NRG2: variants seen among roughly 807,000 people sequenced by gnomAD.
The protein encoded by NRG2 is neuregulin 2, also known as pro-neuregulin-2, membrane-bound isoform.
Under a neutral mutation model 73.9 loss-of-function variants are expected in NRG2, and 27 were observed. That is an observed-to-expected ratio of 0.37 (90% confidence interval 0.27 to 0.50). The LOEUF (loss-of-function observed/expected upper bound fraction) is 0.50, where lower values mean the gene tolerates loss of function less well. NRG2 is among the 20% of genes least tolerant of loss of function. The pLI is 0.96. For missense variants in NRG2, 1,126 were observed against 1,210.1 expected, an observed-to-expected ratio of 0.93 and a Z score of 1.03; for synonymous variants, 532 against 541.0, an observed-to-expected ratio of 0.98 and a Z score of 0.23.
chr5:140,001,302 C>T (rs1419837868), intron 1 of NRG2, among the ~76,000 whole-genome samples: 4 of 152,114 alleles, frequency 2.6e-5, no homozygotes, highest in African/African-American at 7.2e-5. Flanking sequence ...CATACTTAAG[C>T]GTATTTAATA....
At chr5:139,960,499 C>T (rs966848654) in intron 1 of NRG2, among the ~76,000 whole-genome samples, 2 of 152,014 alleles carry the variant, frequency 1.3e-5, no homozygotes, top group African/African-American at 2.4e-5. Flanking sequence ...TGGGCAACAG[C>T]GAGACTCCAT....
intron 1 of NRG2, among the ~76,000 whole-genome samples, chr5:139,921,178 G>C (rs1293854111): frequency 6.6e-6 from 1 of 152,192 alleles, no homozygotes; most frequent in Non-Finnish European, 1.5e-5. Flanking sequence ...TTCCCAACTT[G>C]ATCTATCGAT....
chr5:139,887,281 CCTT>C lies in NRG2; in HGVS notation c.872+56_872+58del. ...TGGCCTCTGCCCAGTTCAGGCCACT[CCTT>C]CTCGAGAGGAGGGAGGGCAGCTGCT... On this transcript the variant is annotated intron_variant, in intron 2 of 9. Transcript: ENST00000361474. This position sits in a 1 kb window ranked among gnomAD's most constrained non-coding sequence, Gnocchi z 4.5. 2.5e-6 allele frequency: 4 copies of C among 1,589,782 alleles called. No homozygotes were observed. The highest frequency in any genetic ancestry group is 1.1e-5 in the South Asian group (1 of 87,082).
At chr5:140,006,590 TTGTC>T (rs1178030041) in intron 1 of NRG2, among the ~76,000 whole-genome samples, 6 of 152,194 alleles carry the variant, frequency 3.9e-5, no homozygotes, top group African/African-American at 1.2e-4. Context: ...ATTCATAAGA[TTGTC>T]TAATATGCAT....
Position 139,904,251 on chromosome 5 carries a change from G to C in NRG2, c.701-16740C>G. ...CGCGCTGCGCTGGGGGCGGGTGAGC[G>C]GGCGGCAGGTTTCTCCCAGGGAAAC... On this transcript the variant is annotated intron_variant, in intron 1 of 9. Transcript: ENST00000361474. The surrounding 1 kb of genome is among the most constrained non-coding windows in gnomAD (Gnocchi z 6.0). 6.5e-7 allele frequency: 1 copy of C among 1,545,378 alleles called. No homozygotes were observed. Among genetic ancestry groups the C allele is most frequent in the Non-Finnish European group, 8.7e-7 (1 of 1,152,224 alleles).
chr5:139,961,709 T>A (rs1201261509), intron 1 of NRG2, among the ~76,000 whole-genome samples: 1 of 152,190 alleles, frequency 6.6e-6, no homozygotes, highest in African/African-American at 2.4e-5. Context: ...AGATTGTGGT[T>A]GGCCCCCTGC....
intron 1 of NRG2, among the ~76,000 whole-genome samples, chr5:139,945,661 T>C (rs1753749855): frequency 6.6e-6 from 1 of 152,000 alleles, no homozygotes; most frequent in African/African-American, 2.4e-5. Flanking sequence ...AAAAATGTCA[T>C]TGGCATTTTG....
intron 1 of NRG2, among the ~76,000 whole-genome samples, chr5:140,033,486 A>T (rs952800161): frequency 6.6e-6 from 1 of 152,176 alleles, no homozygotes; most frequent in Non-Finnish European, 1.5e-5. Context: ...TCTTCTCGAA[A>T]AATTGACCAG....
intron 1 of NRG2, among the ~76,000 whole-genome samples, chr5:140,032,611 T>C (rs1761237174): frequency 6.6e-6 from 1 of 152,176 alleles, no homozygotes; most frequent in Non-Finnish European, 1.5e-5. Flanking sequence ...ATACCAGCAA[T>C]CAAATATTAA....
At chr5:139,931,130 C>T (rs1752440163) in intron 1 of NRG2, among the ~76,000 whole-genome samples, 1 of 152,128 alleles carries the variant, frequency 6.6e-6, no homozygotes, top group African/African-American at 2.4e-5. Context: ...TGATACCTAT[C>T]ATACAAGGGT....
chr5:139,896,186 T>C (rs1204089955), intron 1 of NRG2, among the ~76,000 whole-genome samples: 1 of 152,166 alleles, frequency 6.6e-6, no homozygotes, highest in Non-Finnish European at 1.5e-5. Flanking sequence ...TTTCTGAGGG[T>C]CTGCCAAGCT....
At chr5:139,979,641 G>A (rs1159116947) in intron 1 of NRG2, among the ~76,000 whole-genome samples, 1 of 152,240 alleles carries the variant, frequency 6.6e-6, no homozygotes, top group Non-Finnish European at 1.5e-5. Flanking sequence ...GAAGCTAGCT[G>A]TCATGTTATA....
chr5:139,910,436 C>T (rs772376480), intron 1 of NRG2, among the ~76,000 whole-genome samples: 1 of 152,210 alleles, frequency 6.6e-6, no homozygotes, highest in African/African-American at 2.4e-5. Flanking sequence ...TCCACCTACC[C>T]AGACTCCAAA....
chr5:140,032,437 A>G (rs1433527130), intron 1 of NRG2, among the ~76,000 whole-genome samples: 2 of 152,246 alleles, frequency 1.3e-5, no homozygotes, highest in African/African-American at 2.4e-5. Context: ...TAGAACTGAA[A>G]CATGACCAAG....
chr5:139,933,871 C>T (rs184621271), intron 1 of NRG2, among the ~76,000 whole-genome samples: 3 of 152,238 alleles, frequency 2.0e-5, no homozygotes, highest in East Asian at 1.9e-4. Flanking sequence ...TTAAGAGATA[C>T]GTTTTTTGAC....
rs137867731 is a variant in NRG2, at chr5:140,020,950, C to T, written c.700+21420G>A. On this transcript the variant is annotated intron_variant, in intron 1 of 9. Transcript: ENST00000361474. ...GCCTGCCAGAAGAAATACTCTATCC[C>T]GTGTCTCAAACTCCTACTCTGTGGC... Among the ~76,000 whole-genome samples, 13 of 152,250 alleles carry T rather than the reference C, an allele frequency of 8.5e-5. No individual in the cohort carries two copies. The East Asian group carries it at 1.7e-3, about 20-fold the overall frequency.
Position 139,847,660 on chromosome 5 carries a change from G to GT in NRG2, c.*256dup, listed in dbSNP as rs1761080494. The GT allele has an allele frequency of 6.2e-6, 2 of 320,992 alleles. No individual in the cohort carries two copies. Among genetic ancestry groups the GT allele is most frequent in the Admixed American group, 4.9e-5 (1 of 20,232 alleles). 19.9% of individuals were successfully genotyped at this position (320,992 alleles called of 1,614,324 possible). ...GGCCCATCTCTCTTTTTTTTTTGTT[G>GT]TTTCTTTTTTTTTTCCGAAGCTGTA... On this transcript the variant is annotated 3_prime_UTR_variant, in exon 10 of 10. Transcript: ENST00000361474.
At chr5:139,901,479 A>G (rs527624256) in intron 1 of NRG2, among the ~76,000 whole-genome samples, 19 of 152,296 alleles carry the variant, frequency 1.2e-4, no homozygotes, top group African/African-American at 3.8e-4. Context: ...GCTCCGATAC[A>G]TGCACATGAG....
At chr5:139,957,111 C>T (rs144297738) in intron 1 of NRG2, among the ~76,000 whole-genome samples, 1 of 152,314 alleles carries the variant, frequency 6.6e-6, no homozygotes, top group African/African-American at 2.4e-5. Flanking sequence ...TCCCAGCTGG[C>T]CAGGCCCTCT....
Sources: gnomAD v4.1 joint callset for allele counts (sites outside exome capture counted in the v4.1 genomes callset) on GRCh38, gnomAD v4.1.1 for gene constraint, Gnocchi (gnomAD v3.1) non-coding constraint, MANE v1.5 for transcripts, NCBI Gene and HGNC (gene_info 2026-07-23, HGNC 2026-07-21) for gene names.